Variants in SLC4A1 observed in about 807,000 individuals in gnomAD.
The protein encoded by SLC4A1 is band 3 anion transport protein.
SLC4A1 carries 29 observed loss-of-function variants against 93.1 expected under a neutral mutation model. The ratio of observed to expected loss-of-function variants is 0.31; its 90% CI spans 0.23 to 0.42. SLC4A1 has a LOEUF of 0.42. Ranked by LOEUF, SLC4A1 falls within the 20% of genes least tolerant of loss-of-function variation. The pLI is 1.00. For synonymous variants in SLC4A1, 469 were observed against 497.2 expected (o/e 0.94, Z 0.76); for missense variants, 965 against 1,190.1 (o/e 0.81, Z 2.78).
intron 3 of SLC4A1, 79 bp downstream of exon 3, chr17:44,262,557 G>A: frequency 9.7e-7 from 1 of 1,031,610 alleles, no homozygotes; most frequent in South Asian, 1.4e-5. Context: ...CTGTGGAGAA[G>A]GGGAGAGGAC....
chr17:44,257,244 G>C (rs1361202217), intron 13 of SLC4A1, 106 bp downstream of exon 13: 7 of 1,090,570 alleles, frequency 6.4e-6, no homozygotes, highest in Non-Finnish European at 9.9e-6. Flanking sequence ...CACCTGCCTC[G>C]GCCTCCCAAA....
chr17:44,255,893 G>C (rs775115229), intron 13 of SLC4A1, 47 bp from the exon 14 acceptor site: 56 of 1,602,864 alleles, frequency 3.5e-5, no homozygotes, highest in Non-Finnish European at 4.4e-5. Context: ...GCTTTGGCTT[G>C]GGCTGGAAAA....
intron 16 of SLC4A1, 38 bp downstream of exon 16, chr17:44,254,454 GCCTC>G: frequency 1.3e-6 from 2 of 1,502,204 alleles, no homozygotes; most frequent in Non-Finnish European, 1.8e-6. Context: ...AAAGGTCCCT[GCCTC>G]CCACCCTCCC....
intron 17 of SLC4A1, among the ~76,000 whole-genome samples, chr17:44,252,665 C>T (rs1029223890): frequency 1.1e-4 from 17 of 152,246 alleles, no homozygotes; most frequent in Admixed American, 8.5e-4. Context: ...TCTTCTCCCC[C>T]ACATCCCTGG....
chr17:44,253,005 T>C, intron 17 of SLC4A1, 113 bp downstream of exon 17: 2 of 1,132,604 alleles, frequency 1.8e-6, no homozygotes, highest in South Asian at 2.6e-5. Context: ...GGGGAAGTGG[T>C]GCAGGATGGG....
intron 19 of SLC4A1, among the ~76,000 whole-genome samples, chr17:44,250,929 C>T (rs1181223481): frequency 6.6e-6 from 1 of 152,178 alleles, no homozygotes; most frequent in Non-Finnish European, 1.5e-5. Context: ...TGCCTCTTGA[C>T]GCTCTCCCCA....
chr17:44,260,937 G>T, intron 4 of SLC4A1, 122 bp from the exon 5 acceptor site: 2 of 1,111,296 alleles, frequency 1.8e-6, no homozygotes, highest in Non-Finnish European at 2.7e-6. Context: ...AGGGTCCGTA[G>T]ATACGGCTCA....
Position 44,258,359 on chromosome 17 carries a change from G to A in SLC4A1, c.1087+54C>T. On this transcript the variant is annotated intron_variant, in intron 10 of 19. Coordinates refer to ENST00000262418, the MANE Select transcript of SLC4A1 (RefSeq NM_000342.4). The surrounding 1 kb of genome is among the most constrained non-coding windows in gnomAD (Gnocchi z 6.1). ...TGATGGGAGACAGAGGCTACGCTGAGGTGTCTGGGGGTCGGTGGGGGCTCA... is the reference window on the plus strand; with the variant it reads ...TGATGGGAGACAGAGGCTACGCTGAAGTGTCTGGGGGTCGGTGGGGGCTCA... The A allele has an allele frequency of 1.3e-6, 2 of 1,547,216 alleles. No homozygotes were observed. The highest frequency in any genetic ancestry group is 1.8e-6 in the Non-Finnish European group (2 of 1,119,526).
chr17:44,267,729 G>T (rs2047506193), intron 1 of SLC4A1, among the ~76,000 whole-genome samples: 1 of 152,140 alleles, frequency 6.6e-6, no homozygotes, highest in Admixed American at 6.6e-5. Flanking sequence ...GGAGTCTGGG[G>T]TGGACAAGAC....
chr17:44,251,680 C>T (rs1468506652), intron 17 of SLC4A1, 92 bp from the exon 18 acceptor site: 1 of 1,063,258 alleles, frequency 9.4e-7, no homozygotes, highest in Non-Finnish European at 1.4e-6. Flanking sequence ...GAATAAAACA[C>T]AGGCACCATA....
At position 44,268,056 on chromosome 17, in the gene SLC4A1, G is replaced by T. The variant is rs1455393229; in HGVS notation, c.-71C>A. On this transcript the variant is annotated splice_region_variant and 5_prime_UTR_variant, in exon 1 of 20. Coordinates refer to ENST00000262418, the MANE Select transcript of SLC4A1 (RefSeq NM_000342.4). ...CAGCCCCTCCCTGCCCTGCCCACCT[G>T]CTCACGAGCCTCAGGGTCCCTTGGT... is the stretch of plus-strand genomic sequence containing the variant. 6 of 984,682 alleles carry T rather than the reference G, an allele frequency of 6.1e-6. No homozygotes were observed. In the African/African-American group the frequency reaches 1.1e-4, roughly 17 times the overall value. The allele number at this position is 984,682 out of a possible 1,614,324, so 61.0% of individuals were successfully genotyped here.
chr17:44,266,012 C>T (rs188304680), intron 1 of SLC4A1, among the ~76,000 whole-genome samples: 7 of 150,590 alleles, frequency 4.6e-5, no homozygotes, highest in Non-Finnish European at 7.4e-5. Flanking sequence ...AAGGGATGTG[C>T]AAACAGCCTT....
chr17:44,267,152 C>T (rs1410284805), intron 1 of SLC4A1, among the ~76,000 whole-genome samples: 1 of 152,196 alleles, frequency 6.6e-6, no homozygotes, highest in Non-Finnish European at 1.5e-5. Flanking sequence ...AGCCACATCC[C>T]TAAGCACTAT....
At chr17:44,261,737 C>A in intron 3 of SLC4A1, 101 bp from the exon 4 acceptor site, 1 of 1,599,872 alleles carries the variant, frequency 6.3e-7, no homozygotes, top group Non-Finnish European at 8.5e-7. Flanking sequence ...GGCAGATGCC[C>A]CTCCTTCCCA....
chr17:44,249,442 A>G lies in SLC4A1; in HGVS notation c.*1016T>C. On this transcript the variant is annotated 3_prime_UTR_variant, in exon 20 of 20. Transcript: ENST00000262418. ...AGAAAATACGCAATTAATAAATTAC[A>G]AACCCCCTCACTCTCCCGCCCCTAC... 3.6e-6 allele frequency: 1 copy of G among 275,208 alleles called. No individual in the cohort carries two copies. The highest frequency in any genetic ancestry group is 3.0e-5 in the South Asian group (1 of 33,638). 17.0% of individuals were successfully genotyped at this position (275,208 alleles called of 1,614,324 possible). A position where few individuals can be genotyped will look rare whatever the true frequency, so the allele number is the denominator to read the frequency against.
rs552712872 is a variant in SLC4A1 at position 44,253,268 on chromosome 17, T to A, written c.2161A>T (p.Met721Leu). 6.2e-7 allele frequency: 1 copy of A among 1,613,868 alleles called. No homozygotes were observed. Among genetic ancestry groups the A allele is most frequent in the African/African-American group, 1.3e-5 (1 of 74,978 alleles). ...GMGGVAALFG[M>L]PWLSATTVRS... ...ACGGTGGTGGCACTGAGCCAGGGCATCCCAAAGAGGGCGGCCACCCCACCC... is the reference window on the plus strand; with the variant it reads ...ACGGTGGTGGCACTGAGCCAGGGCAACCCAAAGAGGGCGGCCACCCCACCC... Residue 721 changes from methionine to leucine, a missense_variant, in exon 17 of 20, where the codon ATG becomes TTG. This residue lies in a region of SLC4A1 where 770 missense variants were observed against 1,006.6 expected (regional missense o/e 0.76). Coordinates refer to ENST00000262418, the MANE Select transcript of SLC4A1 (RefSeq NM_000342.4).
Position 44,260,537 on chromosome 17 carries a change from T to A in SLC4A1, c.352A>T (p.Thr118Ser). The change falls in exon 6 of 20, where the codon ACT becomes TCT. Residue 118 changes from threonine (T) to serine (S), a missense_variant and splice_region_variant. Transcript: ENST00000262418. ...LELRRVFTKG[T>S]VLLDLQETSL... Reference sequence around the variant, plus strand: ...GTCTCTTGCAGGTCTAGGAGGACAGTACCTGCAGGCAGTGGAGGAGTGAGC... The same window carrying A: ...GTCTCTTGCAGGTCTAGGAGGACAGAACCTGCAGGCAGTGGAGGAGTGAGC... The A allele has an allele frequency of 6.2e-7, 1 of 1,614,158 alleles. No homozygotes were observed. Among genetic ancestry groups the A allele is most frequent in the Non-Finnish European group, 8.5e-7 (1 of 1,180,002 alleles).
Position 44,253,207 on chromosome 17 carries a change from A to G in SLC4A1, c.2222T>C (p.Met741Thr). Residue 741 changes from methionine (M) to threonine (T), a missense_variant, in exon 17 of 20, where the codon ATG (methionine) becomes ACG (threonine). Physicochemically the swap from Met to Thr is moderately conservative, Grantham distance 81 (BLOSUM62 -1). Around this residue, in one of 2 missense-constraint regions of SLC4A1, gnomAD observed 770 missense variants for 1,006.6 expected, o/e 0.76. Transcript: ENST00000262418. Reference protein sequence around the residue: ...SVTHANALTVMGKASTPGAAA... With the variant: ...SVTHANALTVTGKASTPGAAA... ...AGCCCCTGGGGTGCTGGCTTTGCCC[A>G]TGACAGTGAGGGCGTTGGCATGGGT... 6.2e-7 allele frequency: 1 copy of G among 1,614,006 alleles called. No individual in the cohort carries two copies. Among genetic ancestry groups the G allele is most frequent in the Non-Finnish European group, 8.5e-7 (1 of 1,180,034 alleles).
chr17:44,265,415 T>G (rs542064776), intron 1 of SLC4A1, among the ~76,000 whole-genome samples: 42 of 152,120 alleles, frequency 2.8e-4, no homozygotes, highest in African/African-American at 8.4e-4. Context: ...TCTCTCCCAG[T>G]CTGGAGTGCA....
Sources: gnomAD v4.1 joint callset for allele counts (sites outside exome capture counted in the v4.1 genomes callset) on GRCh38, gnomAD v4.1.1 for gene constraint, gnomAD v4.1.1 regional missense constraint, Gnocchi (gnomAD v3.1) non-coding constraint, MANE v1.5 for transcripts, NCBI Gene and HGNC (gene_info 2026-07-23, HGNC 2026-07-21) for gene names.